Variants in SLC44A1 observed in about 807,000 individuals in gnomAD.
SLC44A1 encodes choline transporter-like protein 1.
Under a neutral mutation model 79.3 loss-of-function variants are expected in SLC44A1, and 26 were observed. That is an observed-to-expected ratio of 0.33 (90% confidence interval 0.24 to 0.46). SLC44A1 has a LOEUF of 0.46. Ranked by LOEUF, SLC44A1 falls within the 20% of genes least tolerant of loss-of-function variation. The pLI is 1.00. For synonymous variants in SLC44A1, 263 were observed against 286.2 expected (o/e 0.92, Z 0.82); for missense variants, 688 against 798.1 (o/e 0.86, Z 1.66).
At chr9:105,333,135 T>C (rs1826803988) in intron 3 of SLC44A1, among the ~76,000 whole-genome samples, 4 of 152,208 alleles carry the variant, frequency 2.6e-5, no homozygotes, top group Non-Finnish European at 5.9e-5. Flanking sequence ...ATAGGGATAC[T>C]TTTGCCCTTG....
rs141122639 is a variant in SLC44A1, at chr9:105,323,681, C to T, written c.270-11882C>T. 1.7e-3 allele frequency among the ~76,000 whole-genome samples: 257 copies of T among 152,314 alleles called. 2 individuals are homozygous for T. Among genetic ancestry groups the T allele is most frequent in the African/African-American group, 5.8e-3 (243 of 41,576 alleles). On this transcript the variant is annotated intron_variant, in intron 3 of 15. Coordinates refer to ENST00000374720, the MANE Select transcript of SLC44A1 (RefSeq NM_080546.5). ...GATGGGGAAAACACAGCTATTTTAA[C>T]CAACTGTTAAATTTATGTAGTTTAC...
At chr9:105,361,440 G>C (rs1385949746) in intron 8 of SLC44A1, 110 bp downstream of exon 8, 5 of 1,014,526 alleles carry the variant, frequency 4.9e-6, no homozygotes, top group Admixed American at 2.3e-5. Context: ...CTGATCTCCA[G>C]TAGATAATAT....
Position 105,391,615 on chromosome 9 carries a change from T to C in SLC44A1, c.*2559T>C, listed in dbSNP as rs1828763800. 1.0e-6 allele frequency: 1 copy of C among 985,326 alleles called. No homozygotes were observed. The highest frequency in any genetic ancestry group is 1.2e-6 in the Non-Finnish European group (1 of 829,878). 61.0% of individuals were successfully genotyped at this position (985,326 alleles called of 1,614,324 possible). ...ATTTGATAAAGCCTCACAGAGGATT[T>C]TAAGCAATATTTAAATGTGTTGAGG... On this transcript the variant is annotated 3_prime_UTR_variant, in exon 16 of 16. Coordinates refer to ENST00000374720, the MANE Select transcript of SLC44A1 (RefSeq NM_080546.5).
rs1828777521 is a variant in SLC44A1, at chr9:105,392,254, G to A, written c.*3198G>A. 1 of 983,592 alleles carries A rather than the reference G, an allele frequency of 1.0e-6. No homozygotes were observed. Among genetic ancestry groups the A allele is most frequent in the Non-Finnish European group, 1.2e-6 (1 of 828,356 alleles). 60.9% of individuals were successfully genotyped at this position (983,592 alleles called of 1,614,324 possible). A position where few individuals can be genotyped will look rare whatever the true frequency, so the allele number is the denominator to read the frequency against. The stretch of plus-strand genomic sequence containing the variant: ...TTATTTTATCCTATAAGATAATTAA[G>A]TCCTAAGTCACTACAACTTAAGTAG... On this transcript the variant is annotated 3_prime_UTR_variant, in exon 16 of 16. Transcript: ENST00000374720.
chr9:105,372,902 A>G (rs931791223), intron 12 of SLC44A1, among the ~76,000 whole-genome samples: 48 of 148,976 alleles, frequency 3.2e-4, no homozygotes, highest in Non-Finnish European at 6.4e-4. Context: ...GTGAGCCGAG[A>G]TCCCGCCACT....
chr9:105,331,334 C>T (rs1279615347), intron 3 of SLC44A1, among the ~76,000 whole-genome samples: 1 of 152,204 alleles, frequency 6.6e-6, no homozygotes. Flanking sequence ...TTTCCTGATC[C>T]TTGCCCTGTT....
intron 1 of SLC44A1, chr9:105,294,928 C>A (rs1830686218): frequency 6.9e-6 from 1 of 145,818 alleles, no homozygotes; most frequent in South Asian, 2.2e-4. Flanking sequence ...TGGATAATTT[C>A]TGTTAACCTG....
intron 1 of SLC44A1, among the ~76,000 whole-genome samples, chr9:105,286,081 A>C (rs1830467285): frequency 6.6e-6 from 1 of 152,228 alleles, no homozygotes; most frequent in Admixed American, 6.5e-5. Flanking sequence ...AGCCTGGGCG[A>C]CAGAGTGAGA....
chr9:105,366,519 A>G (rs907006859), intron 12 of SLC44A1, 90 bp downstream of exon 12: 1 of 576,168 alleles, frequency 1.7e-6, no homozygotes, highest in African/African-American at 2.0e-5. Context: ...GAAAGATGTT[A>G]TGTTTTTCTT....
intron 1 of SLC44A1, among the ~76,000 whole-genome samples, chr9:105,271,042 A>G (rs328019): frequency 0.2 from 31,092 of 152,224 alleles, 5,477 homozygotes; most frequent in African/African-American, 0.48. Context: ...GATGCCATCT[A>G]TGTAATCAGT....
At chr9:105,410,259 G>A (rs755782413) in intron 15 of SLC44A1, among the ~76,000 whole-genome samples, 7 of 152,080 alleles carry the variant, frequency 4.6e-5, no homozygotes, top group Non-Finnish European at 8.8e-5. Flanking sequence ...GAAAATTTTT[G>A]CCTCAAGGGA....
chr9:105,289,772 T>C (rs1203814187), intron 1 of SLC44A1, among the ~76,000 whole-genome samples: 1 of 152,152 alleles, frequency 6.6e-6, no homozygotes, highest in Non-Finnish European at 1.5e-5. Flanking sequence ...ATGTTACTTC[T>C]GTATAAGTCA....
At chr9:105,322,492 G>A (rs1310349695) in intron 3 of SLC44A1, among the ~76,000 whole-genome samples, 1 of 152,192 alleles carries the variant, frequency 6.6e-6, no homozygotes, top group African/African-American at 2.4e-5. Flanking sequence ...CATTGTGTGA[G>A]TACAGGTCGT....
chr9:105,438,181 T>C (rs1364294753), intron 15 of SLC44A1: 1 of 980,446 alleles, frequency 1.0e-6, no homozygotes. Flanking sequence ...TAATGTTTTC[T>C]TTAAAGACGA....
intron 3 of SLC44A1, among the ~76,000 whole-genome samples, chr9:105,325,939 AAAAAG>A (rs1246942077): frequency 6.6e-6 from 1 of 152,256 alleles, no homozygotes; most frequent in Non-Finnish European, 1.5e-5. Flanking sequence ...CTGATAAACT[AAAAAG>A]AAAATGAAAT....
chr9:105,275,015 G>A (rs1485872985), intron 1 of SLC44A1, among the ~76,000 whole-genome samples: 1 of 152,154 alleles, frequency 6.6e-6, no homozygotes, highest in Non-Finnish European at 1.5e-5. Context: ...GGACCCATGT[G>A]AAGTTTAAAT....
At chr9:105,288,040 T>C (rs1830515729) in intron 1 of SLC44A1, among the ~76,000 whole-genome samples, 1 of 152,180 alleles carries the variant, frequency 6.6e-6, no homozygotes, top group Non-Finnish European at 1.5e-5. Flanking sequence ...GAAATCAGAA[T>C]GGGAAAAATG....
chr9:105,390,738 T>C lies in SLC44A1; in HGVS notation c.*1682T>C. On this transcript the variant is annotated 3_prime_UTR_variant, in exon 16 of 16. Coordinates refer to ENST00000374720, the MANE Select transcript of SLC44A1 (RefSeq NM_080546.5). ...TTCTTTTAAAAGTTCATGTAATATT[T>C]CTGATTTTTCAGAATATTTGCAATA... 1 of 985,636 alleles carries C rather than the reference T, an allele frequency of 1.0e-6. No homozygotes were observed. Among genetic ancestry groups the C allele is most frequent in the Non-Finnish European group, 1.2e-6 (1 of 829,756 alleles). 61.1% of individuals were successfully genotyped at this position (985,636 alleles called of 1,614,324 possible). A position where few individuals can be genotyped will look rare whatever the true frequency, so the allele number is the denominator to read the frequency against.
At chr9:105,410,465 A>G (rs1218494254) in intron 15 of SLC44A1, among the ~76,000 whole-genome samples, 1 of 152,206 alleles carries the variant, frequency 6.6e-6, no homozygotes, top group African/African-American at 2.4e-5. Context: ...CATGAAGCAC[A>G]TAAAGAGATG....
Sources: allele counts gnomAD v4.1 joint callset (sites outside exome capture counted in the v4.1 genomes callset), GRCh38; gene constraint gnomAD v4.1.1; transcripts MANE v1.5; gene names NCBI Gene and HGNC (gene_info 2026-07-23, HGNC 2026-07-21).